The following SESTD1 variants were observed in gnomAD, a reference collection of about 807,000 sequenced individuals.
The protein encoded by SESTD1 is SEC14 domain and spectrin repeat-containing protein 1.
In SESTD1, 43 loss-of-function variants were observed where a neutral mutation model predicts 101.7. The observed-to-expected ratio is 0.42, with a 90% CI of 0.33 to 0.55. The LOEUF is 0.55. Ranked by LOEUF, SESTD1 falls within the 20% of genes least tolerant of loss-of-function variation. The pLI is 0.07. For missense variants in SESTD1, 647 were observed against 815.1 expected (o/e 0.79, Z 2.51); for synonymous variants, 283 against 286.8 (o/e 0.99, Z 0.13).
At chr2:179,222,811 C>T (rs1288287441) in intron 1 of SESTD1, among the ~76,000 whole-genome samples, 5 of 152,130 alleles carry the variant, frequency 3.3e-5, no homozygotes, top group Non-Finnish European at 1.5e-5. Flanking sequence ...GGCCACAAAA[C>T]AAGAAAGTAG....
In SESTD1 at chr2:179,242,465, T is replaced by C. The variant is rs143928760; in HGVS notation, c.-26+22034A>G. ...TTTTCACAGAATTAGAAAAAACTAT[T>C]CTAAAATTCATCTGGAACCAAAAAA... is the stretch of plus-strand genomic sequence containing the variant. On this transcript the variant is annotated intron_variant, in intron 1 of 17. Transcript: ENST00000428443. Among the ~76,000 whole-genome samples the C allele has an allele frequency of 8.3e-3, 1,271 of 152,302 alleles. 13 individuals are homozygous for C. The highest frequency in any genetic ancestry group is 0.027 in the African/African-American group (1,116 of 41,572).
chr2:179,154,917 T>C (rs1407924570), intron 5 of SESTD1, among the ~76,000 whole-genome samples: 1 of 152,160 alleles, frequency 6.6e-6, no homozygotes, highest in East Asian at 1.9e-4. Context: ...GAATATATAA[T>C]ATAACCACAA....
chr2:179,261,956 T>C (rs1574076050), intron 1 of SESTD1, among the ~76,000 whole-genome samples: 1 of 152,024 alleles, frequency 6.6e-6, no homozygotes, highest in South Asian at 2.1e-4. Flanking sequence ...GGCCAAAAAG[T>C]AGAAACAACC....
intron 1 of SESTD1, among the ~76,000 whole-genome samples, chr2:179,233,295 A>G (rs1049989219): frequency 6.6e-6 from 1 of 152,178 alleles, no homozygotes; most frequent in African/African-American, 2.4e-5. Flanking sequence ...CTTTTTGTAT[A>G]TTCTAAGATT....
chr2:179,217,424 A>T (rs2046739270), intron 1 of SESTD1, among the ~76,000 whole-genome samples: 1 of 152,250 alleles, frequency 6.6e-6, no homozygotes, highest in Non-Finnish European at 1.5e-5. Context: ...TCAAAACCAC[A>T]GTGAGATACC....
At chr2:179,144,343 A>C (rs1254191592) in intron 8 of SESTD1, among the ~76,000 whole-genome samples, 1 of 152,080 alleles carries the variant, frequency 6.6e-6, no homozygotes. Context: ...AAAGGGAGAA[A>C]AGTTTTTATT....
chr2:179,244,981 C>T (rs151220158), intron 1 of SESTD1, among the ~76,000 whole-genome samples: 65 of 152,270 alleles, frequency 4.3e-4, no homozygotes, highest in African/African-American at 1.4e-3. Context: ...TATGTATATA[C>T]AATTAATAGC....
Position 179,110,074 on chromosome 2 carries a change from A to G in SESTD1, c.1962-46T>C, listed in dbSNP as rs960208298. 3.1e-6 allele frequency: 5 copies of G among 1,599,330 alleles called. No individual in the cohort carries two copies. The African/African-American group carries it at 6.7e-5, about 21-fold the overall frequency. ...AAAAACCTCAGATTAATACAAATCTATTAACTGCAGTGAATACAAATAGAA... is the reference window on the plus strand; with the variant it reads ...AAAAACCTCAGATTAATACAAATCTGTTAACTGCAGTGAATACAAATAGAA... On this transcript the variant is annotated intron_variant, in intron 17 of 17. Coordinates refer to ENST00000428443, the MANE Select transcript of SESTD1 (RefSeq NM_178123.5).
Position 179,109,198 on chromosome 2 carries a change from C to T in SESTD1, c.*701G>A, listed in dbSNP as rs1215357729. On this transcript the variant is annotated 3_prime_UTR_variant, in exon 18 of 18. Coordinates refer to ENST00000428443, the MANE Select transcript of SESTD1 (RefSeq NM_178123.5). ...ATGTATTTCCTGTCTAAAATACATG[C>T]AACCACCATGAAAAAACAAATATTA... is the stretch of plus-strand genomic sequence containing the variant. 1.3e-5 allele frequency: 2 copies of T among 152,360 alleles called. No individual in the cohort carries two copies. The highest frequency in any genetic ancestry group is 2.9e-5 in the Non-Finnish European group (2 of 68,002). 9.4% of individuals were successfully genotyped at this position (152,360 alleles called of 1,614,324 possible).
In SESTD1 at chr2:179,149,353, A is replaced by G. The variant is rs753691216; in HGVS notation, c.525T>C (p.Asp175=). ...KFTKESTSLL[D]ELALINNGSD... ...TTCCATTGTTAATCAAAGCAAGTTC[A>G]TCTAATAATGATGTAGATTCCTTTG... The change falls in exon 7 of 18, where the codon GAT becomes GAC. Residue 175 remains aspartate (D), a synonymous_variant. Coordinates refer to ENST00000428443, the MANE Select transcript of SESTD1 (RefSeq NM_178123.5). 1.2e-6 allele frequency: 2 copies of G among 1,609,290 alleles called. No individual in the cohort carries two copies. Among genetic ancestry groups the G allele is most frequent in the South Asian group, 2.2e-5 (2 of 89,680 alleles).
intron 2 of SESTD1, among the ~76,000 whole-genome samples, chr2:179,184,845 C>T (rs2046182975): frequency 1.5e-5 from 2 of 131,532 alleles, no homozygotes; most frequent in South Asian, 4.9e-4. Context: ...ATAAATTTAA[C>T]ATTCAGGGCT....
chr2:179,236,429 T>C (rs1193764892), intron 1 of SESTD1, among the ~76,000 whole-genome samples: 1 of 151,542 alleles, frequency 6.6e-6, no homozygotes, highest in Non-Finnish European at 1.5e-5. Flanking sequence ...CCCAGGAGTT[T>C]GAGGTTACAA....
chr2:179,146,448 A>G lies in SESTD1; in HGVS notation c.591T>C (p.Asp197=), dbSNP rs748901428. Residue 197 remains aspartate, a synonymous_variant, in exon 8 of 18, where the codon GAT becomes GAC. Transcript: ENST00000428443. ...GNQQEKERSV[D]LNFLPSVDPE... is the part of the protein sequence containing the mutation. ...GATCAACCGATGGAAGAAAGTTTAAATCCACAGACCTGGAAAACACCAAAG... is the reference window on the plus strand; with the variant it reads ...GATCAACCGATGGAAGAAAGTTTAAGTCCACAGACCTGGAAAACACCAAAG... 1 of 1,613,250 alleles carries G rather than the reference A, an allele frequency of 6.2e-7. No homozygotes were observed. Among genetic ancestry groups the G allele is most frequent in the Non-Finnish European group, 8.5e-7 (1 of 1,179,658 alleles).
chr2:179,212,557 C>T (rs563213212), intron 1 of SESTD1, among the ~76,000 whole-genome samples: 1 of 136,346 alleles, frequency 7.3e-6, no homozygotes, highest in Middle Eastern at 4.3e-3. Flanking sequence ...CCTCTGTGGG[C>T]AGGGCATAGC....
At chr2:179,236,066 C>A (rs2047061146) in intron 1 of SESTD1, among the ~76,000 whole-genome samples, 2 of 152,246 alleles carry the variant, frequency 1.3e-5, no homozygotes, top group South Asian at 4.1e-4. Flanking sequence ...TTACCTTCCA[C>A]TCTATTATGA....
rs893094085 is a variant in SESTD1 at position 179,198,294 on chromosome 2, GATTCATAAAGCA to G, written c.-25-6440_-25-6429del. 1.3e-4 allele frequency among the ~76,000 whole-genome samples: 20 copies of G among 152,278 alleles called. No homozygotes were observed. The East Asian group carries it at 3.9e-3, about 29-fold the overall frequency. ...TATGCACCCAATACAGGAGCACCCA[GATTCATAAAGCA>G]AGTACTGAGTGACCTACAAAGAGAC... On this transcript the variant is annotated intron_variant, in intron 1 of 17. Transcript: ENST00000428443.
At chr2:179,231,854 A>C (rs2046993314) in intron 1 of SESTD1, among the ~76,000 whole-genome samples, 1 of 151,472 alleles carries the variant, frequency 6.6e-6, no homozygotes, top group South Asian at 2.1e-4. Flanking sequence ...CTTAAATATG[A>C]CACAGAGAAA....
At chr2:179,184,956 A>C (rs1559133701) in intron 2 of SESTD1, among the ~76,000 whole-genome samples, 1 of 152,192 alleles carries the variant, frequency 6.6e-6, no homozygotes, top group Non-Finnish European at 1.5e-5. Flanking sequence ...AAGACTTTCA[A>C]GATAGTTATG....
At chr2:179,111,962 G>A (rs746901260) in intron 17 of SESTD1, among the ~76,000 whole-genome samples, 1 of 151,966 alleles carries the variant, frequency 6.6e-6, no homozygotes, top group African/African-American at 2.4e-5. Context: ...CTTGTGATCC[G>A]CCCGCTTTGG....
Sources: allele counts gnomAD v4.1 joint callset (sites outside exome capture counted in the v4.1 genomes callset), GRCh38; gene constraint gnomAD v4.1.1; transcripts MANE v1.5; gene names NCBI Gene and HGNC (gene_info 2026-07-23, HGNC 2026-07-21).